Variants in NLRP9 observed in about 807,000 individuals in gnomAD.
NLRP9 encodes the protein NACHT, LRR and PYD domains-containing protein 9.
A neutral mutation model predicts 83.1 loss-of-function variants in NLRP9; 88 were observed. That is an observed-to-expected ratio of 1.06 (90% CI 0.89 to 1.26). The LOEUF is 1.26. NLRP9 is among the 50% of genes most tolerant of loss of function. NLRP9 has a pLI of 0.00. For missense variants in NLRP9, 1,308 were observed against 1,179.3 expected (o/e 1.11, Z -1.60); for synonymous variants, 521 against 447.6 (o/e 1.16, Z -2.07).
chr19:55,720,294 G>A (rs1348296695), intron 4 of NLRP9, among the ~76,000 whole-genome samples: 3 of 152,138 alleles, frequency 2.0e-5, no homozygotes, highest in Non-Finnish European at 4.4e-5. Flanking sequence ...AAAATGCACA[G>A]GAAGTTATTC....
At chr19:55,734,215 G>C (rs935300880) in intron 1 of NLRP9, among the ~76,000 whole-genome samples, 1 of 151,286 alleles carries the variant, frequency 6.6e-6, no homozygotes, top group Non-Finnish European at 1.5e-5. Flanking sequence ...GAGCCACCGC[G>C]CCCGGCTGTC....
intron 3 of NLRP9, among the ~76,000 whole-genome samples, chr19:55,726,299 A>C (rs10412869): frequency 0.049 from 7,393 of 152,280 alleles, 225 homozygotes; most frequent in African/African-American, 0.074. Context: ...AATCAACCTC[A>C]TGGAAAAGGG....
At position 55,708,871 on chromosome 19, in the gene NLRP9, A is replaced by G; in HGVS notation, c.*41T>C. On this transcript the variant is annotated 3_prime_UTR_variant, in exon 9 of 9. Transcript: ENST00000332836. Reference sequence around the variant, plus strand: ...CCAGGTGAAGGTCCCACTGTGGCCAAGGAAAGCCTTTGTGAGACGACTACT... The same window carrying G: ...CCAGGTGAAGGTCCCACTGTGGCCAGGGAAAGCCTTTGTGAGACGACTACT... 6.8e-7 allele frequency: 1 copy of G among 1,469,904 alleles called. No individual in the cohort carries two copies. The highest frequency in any genetic ancestry group is 2.6e-5 in the East Asian group (1 of 38,800). The allele number at this position is 1,469,904 out of a possible 1,614,324, so 91.1% of individuals were successfully genotyped here. A position where few individuals can be genotyped will look rare whatever the true frequency, so the allele number is the denominator to read the frequency against.
At chr19:55,715,026 A>T (rs758725664) in intron 6 of NLRP9, 29 bp downstream of exon 6, 2 of 1,579,054 alleles carry the variant, frequency 1.3e-6, no homozygotes, top group Non-Finnish European at 1.7e-6. Flanking sequence ...AGAAACCCTG[A>T]CATTGAAGCA....
At chr19:55,728,083 A>T (rs1988452973) in intron 3 of NLRP9, among the ~76,000 whole-genome samples, 1 of 152,180 alleles carries the variant, frequency 6.6e-6, no homozygotes, top group African/African-American at 2.4e-5. Context: ...TCTACCAGGG[A>T]AGCTCATTAA....
intron 5 of NLRP9, among the ~76,000 whole-genome samples, chr19:55,715,553 G>A (rs1029874072): frequency 3.9e-5 from 6 of 152,042 alleles, no homozygotes; most frequent in South Asian, 2.1e-4. Flanking sequence ...GCATGGTGAC[G>A]CACACCTGTA....
chr19:55,725,130 T>C (rs188465356), intron 3 of NLRP9, among the ~76,000 whole-genome samples: 56 of 152,342 alleles, frequency 3.7e-4, no homozygotes, highest in African/African-American at 1.3e-3. Context: ...TATTTTAATA[T>C]CTACATGTAT....
At chr19:55,724,174 A>G in intron 3 of NLRP9, 30 bp from the exon 4 acceptor site, 1 of 1,499,872 alleles carries the variant, frequency 6.7e-7, no homozygotes, top group Non-Finnish European at 9.2e-7. Flanking sequence ...AAATAGCATC[A>G]TGCAATGAGA....
rs117988532 is a variant in NLRP9, at chr19:55,717,664, C to T, written c.2160-766G>A. 5.4e-3 allele frequency among the ~76,000 whole-genome samples: 820 copies of T among 152,292 alleles called. 8 individuals are homozygous for T. Among genetic ancestry groups the T allele is most frequent in the Middle Eastern group, 0.01 (3 of 294 alleles). On this transcript the variant is annotated intron_variant, in intron 4 of 8. Coordinates refer to ENST00000332836, the MANE Select transcript of NLRP9 (RefSeq NM_176820.4). ...TTTTTTCCTACTTTCACACACTCAGCGCAACACGCTTCTGTGGCCGGAGAC... is the reference window on the plus strand; with the variant it reads ...TTTTTTCCTACTTTCACACACTCAGTGCAACACGCTTCTGTGGCCGGAGAC...
intron 6 of NLRP9, among the ~76,000 whole-genome samples, chr19:55,714,559 G>A (rs539205338): frequency 1.3e-5 from 2 of 151,970 alleles, no homozygotes; most frequent in Admixed American, 1.3e-4. Flanking sequence ...CCAGAACCAG[G>A]TGGGGTAAAT....
Position 55,711,955 on chromosome 19 carries a change from C to G in NLRP9, c.2688G>C (p.Pro896=). Residue 896 remains proline, a synonymous_variant, in exon 8 of 9, where the codon CCG becomes CCC. Transcript: ENST00000332836. ...KLECLGLQTC[P]ITRACCDDIA... ...TGTCGTCGCAGCAGGCACGGGTGATCGGACACGTTTGCAGCCTGCAAAAGG... is the reference window on the plus strand; with the variant it reads ...TGTCGTCGCAGCAGGCACGGGTGATGGGACACGTTTGCAGCCTGCAAAAGG... 2 of 1,612,816 alleles carry G rather than the reference C, an allele frequency of 1.2e-6. No homozygotes were observed. Among genetic ancestry groups the G allele is most frequent in the South Asian group, 2.2e-5 (2 of 91,052 alleles).
chr19:55,735,873 A>G (rs1386964475), intron 1 of NLRP9, among the ~76,000 whole-genome samples: 1 of 151,624 alleles, frequency 6.6e-6, no homozygotes, highest in Admixed American at 6.6e-5. Context: ...TTTTTAGTAG[A>G]TAGAGTGTCT....
intron 3 of NLRP9, among the ~76,000 whole-genome samples, chr19:55,729,044 CTTTTT>C (rs1988485095): frequency 2.0e-5 from 2 of 98,268 alleles, no homozygotes; most frequent in South Asian, 3.2e-4. Flanking sequence ...TCTTATTTTT[CTTTTT>C]CTTTTTTTTT....
In NLRP9 at chr19:55,715,218, A is replaced by G; in HGVS notation, c.2338T>C (p.Tyr780His). The change falls in exon 6 of 9, where the codon TAC (tyrosine) becomes CAC (histidine). Residue 780 changes from tyrosine to histidine, a missense_variant. By Grantham distance (83) the Tyr-to-His change is moderately conservative. Transcript: ENST00000332836. ...CAGGAGACAGAGGTGAGACAGCAGT[A>G]CATCAACCTGCAAAGAAACACACCG... ...HCALERLMLMYCCLTSVSCDS... is the reference protein window; with the variant it reads ...HCALERLMLMHCCLTSVSCDS... 2 of 1,612,948 alleles carry G rather than the reference A, an allele frequency of 1.2e-6. No individual in the cohort carries two copies. Among genetic ancestry groups the G allele is most frequent in the South Asian group, 1.1e-5 (1 of 90,998 alleles).
intron 4 of NLRP9, among the ~76,000 whole-genome samples, chr19:55,719,815 A>C (rs1988166823): frequency 6.6e-6 from 1 of 152,328 alleles, no homozygotes; most frequent in South Asian, 2.1e-4. Flanking sequence ...GTGAATTTTT[A>C]AGCAGGATAA....
chr19:55,715,285 AAC>A (rs1987966930), intron 5 of NLRP9, 60 bp from the exon 6 acceptor site: 2 of 1,434,900 alleles, frequency 1.4e-6, no homozygotes, highest in Non-Finnish European at 1.9e-6. Context: ...TCTGCAGAGA[AAC>A]ACACCATCTC....
Position 55,732,993 on chromosome 19 carries a change from T to C in NLRP9, c.838A>G (p.Met280Val). The change falls in exon 2 of 9, where the codon ATG becomes GTG. Residue 280 changes from methionine to valine, a missense_variant. By Grantham distance (21) the Met-to-Val change is conservative. Coordinates refer to ENST00000332836, the MANE Select transcript of NLRP9 (RefSeq NM_176820.4). ...SLLIALGKLA[M>V]QKHYFMLRHP... ...CGCAACATAAAATAGTGTTTTTGCA[T>C]AGCCAGTTTTCCTAATGCAATAAGG... 1.2e-6 allele frequency: 2 copies of C among 1,614,222 alleles called. No individual in the cohort carries two copies. Among genetic ancestry groups the C allele is most frequent in the Non-Finnish European group, 1.7e-6 (2 of 1,180,032 alleles).
intron 3 of NLRP9, among the ~76,000 whole-genome samples, chr19:55,727,769 G>A (rs1206851256): frequency 6.6e-6 from 1 of 152,180 alleles, no homozygotes; most frequent in Admixed American, 6.5e-5. Context: ...CTGAGGATGT[G>A]AGGGTAAACG....
chr19:55,712,024 G>A, intron 7 of NLRP9, 54 bp from the exon 8 acceptor site: 5 of 1,558,752 alleles, frequency 3.2e-6, no homozygotes, highest in Non-Finnish European at 1.8e-6. Flanking sequence ...TAGGCTGGAA[G>A]GCACGCCATT....
Sources: gnomAD v4.1 joint callset for allele counts (sites outside exome capture counted in the v4.1 genomes callset) on GRCh38, gnomAD v4.1.1 for gene constraint, MANE v1.5 for transcripts, NCBI Gene and HGNC (gene_info 2026-07-23, HGNC 2026-07-21) for gene names.